FNDC8: variants seen among roughly 807,000 people sequenced by gnomAD.
The protein encoded by FNDC8 is fibronectin type III domain containing 8.
Under a neutral mutation model 24.8 loss-of-function variants are expected in FNDC8, and 23 were observed. The ratio of observed to expected loss-of-function variants is 0.93; its 90% confidence interval spans 0.67 to 1.31. FNDC8 has a LOEUF of 1.31. Ranked by LOEUF, FNDC8 falls within the 40% of genes most tolerant of loss-of-function variation. FNDC8 has a pLI of 0.00. For missense variants in FNDC8, 371 were observed against 398.2 expected (o/e 0.93, Z 0.58); for synonymous variants, 158 against 165.3 (o/e 0.96, Z 0.34).
At chr17:35,126,260 G>A (rs188599411) in intron 1 of FNDC8, among the ~76,000 whole-genome samples, 1 of 152,098 alleles carries the variant, frequency 6.6e-6, no homozygotes. Flanking sequence ...TTACGTGCTA[G>A]ATATTAATAG....
intron 1 of FNDC8, among the ~76,000 whole-genome samples, chr17:35,124,939 T>C (rs1352201427): frequency 2.0e-5 from 3 of 151,046 alleles, no homozygotes; most frequent in African/African-American, 7.3e-5. Flanking sequence ...TCCCAGCTAC[T>C]CGGGAGGCTG....
intron 1 of FNDC8, among the ~76,000 whole-genome samples, chr17:35,122,157 C>CAT (rs1161260066): frequency 4.9e-4 from 18 of 36,452 alleles, no homozygotes; most frequent in East Asian, 1.2e-3. Context: ...GGCTAATTTT[C>CAT]ATATATATAT....
At chr17:35,124,098 G>A (rs1018032409) in intron 1 of FNDC8, among the ~76,000 whole-genome samples, 2 of 152,190 alleles carry the variant, frequency 1.3e-5, no homozygotes, top group African/African-American at 4.8e-5. Context: ...TGATGAGGCT[G>A]GAACCTGGGG....
chr17:35,124,820 G>A (rs909066097), intron 1 of FNDC8, among the ~76,000 whole-genome samples: 7 of 151,670 alleles, frequency 4.6e-5, no homozygotes, highest in Non-Finnish European at 8.8e-5. Flanking sequence ...GGCTGAGGCC[G>A]GCAAATCATC....
At chr17:35,126,965 C>T in intron 1 of FNDC8, 77 bp from the exon 2 acceptor site, 2 of 1,509,900 alleles carry the variant, frequency 1.3e-6, no homozygotes, top group South Asian at 1.3e-5. Flanking sequence ...GTAAGTCAGG[C>T]CCAAGGCCTG....
chr17:35,130,662 C>CTA lies in FNDC8; in HGVS notation c.*229_*230dup. 1 of 536,282 alleles carries CTA rather than the reference C, an allele frequency of 1.9e-6. No individual in the cohort carries two copies. Among genetic ancestry groups the CTA allele is most frequent in the South Asian group, 2.4e-5 (1 of 41,484 alleles). 33.2% of individuals were successfully genotyped at this position (536,282 alleles called of 1,614,324 possible). A position where few individuals can be genotyped will look rare whatever the true frequency, so the allele number is the denominator to read the frequency against. ...CAGGCTCAGCCACTGCCCACAGCTGCTAGACTCCCTCCTCCTCCAAATCTG... is the reference window on the plus strand; with the variant it reads ...CAGGCTCAGCCACTGCCCACAGCTGCTATAGACTCCCTCCTCCTCCAAATCTG... On this transcript the variant is annotated 3_prime_UTR_variant, in exon 4 of 4. Transcript: ENST00000158009.
At chr17:35,122,443 G>C (rs2142488460) in intron 1 of FNDC8, among the ~76,000 whole-genome samples, 1 of 151,604 alleles carries the variant, frequency 6.6e-6, no homozygotes, top group African/African-American at 2.4e-5. Context: ...AGAAGAGCGT[G>C]TGGGCAGGTT....
At chr17:35,121,979 CT>C (rs2041685112) in intron 1 of FNDC8, 77 bp downstream of exon 1, 1 of 988,742 alleles carries the variant, frequency 1.0e-6, no homozygotes. Flanking sequence ...CCCTTCCTTC[CT>C]TCCTTCCTTT....
chr17:35,122,444 T>C (rs1161994389), intron 1 of FNDC8, among the ~76,000 whole-genome samples: 1 of 151,532 alleles, frequency 6.6e-6, no homozygotes, highest in Admixed American at 6.6e-5. Flanking sequence ...GAAGAGCGTG[T>C]GGGCAGGTTG....
At chr17:35,124,078 A>G (rs183066507) in intron 1 of FNDC8, among the ~76,000 whole-genome samples, 32 of 152,322 alleles carry the variant, frequency 2.1e-4, no homozygotes, top group African/African-American at 6.7e-4. Flanking sequence ...AGGATTTCTC[A>G]GGAGGAGGCT....
In FNDC8 at chr17:35,129,644, T is replaced by C. The variant is rs763398949; in HGVS notation, c.808T>C (p.Cys270Arg). The C allele has an allele frequency of 4.8e-5, 77 of 1,613,754 alleles. No homozygotes were observed. The highest frequency in any genetic ancestry group is 6.4e-5 in the Non-Finnish European group (76 of 1,179,932). ...AANTAGVGKW[C>R]KPYKFATLAT... ...CAACACAGCTGGGGTGGGGAAGTGG[T>C]GCAAGCCCTACAAAGTGAGCCCTGG... Residue 270 changes from cysteine (C) to arginine (R), a missense_variant, in exon 3 of 4, where the codon TGC (cysteine) becomes CGC (arginine). Transcript: ENST00000158009.
intron 3 of FNDC8, 115 bp from the exon 4 acceptor site, chr17:35,130,157 TAGGTTGGATA>T: frequency 6.8e-7 from 1 of 1,465,562 alleles, no homozygotes; most frequent in Non-Finnish European, 9.0e-7. Context: ...CGTCAATGGC[TAGGTTGGATA>T]AGGCTGTTTA....
intron 1 of FNDC8, among the ~76,000 whole-genome samples, chr17:35,126,497 C>CATTTTTTTTTTTTTTTTTTTTTTTTTT (rs1555571324): frequency 8.9e-6 from 1 of 112,046 alleles, no homozygotes. Flanking sequence ...ATTTTCTAAG[C>CATTTTTTTTTTTTTTTTTTTTTTTTTT]TTTTTTTTTT....
chr17:35,127,128 A>G lies in FNDC8; in HGVS notation c.296A>G (p.Lys99Arg). ...TCATCCACCTTGCTGAACCCCATCAAATTAGCTGTGACCCAGCCCAACAGC... is the reference window on the plus strand; with the variant it reads ...TCATCCACCTTGCTGAACCCCATCAGATTAGCTGTGACCCAGCCCAACAGC... The part of the protein sequence containing the change: ...AFSSTLLNPI[K>R]LAVTQPNSSF... Residue 99 changes from lysine to arginine, a missense_variant, in exon 2 of 4, where the codon AAA (lysine) becomes AGA (arginine). Lys to Arg is a conservative substitution (Grantham distance 26). Transcript: ENST00000158009. The G allele has an allele frequency of 6.2e-7, 1 of 1,614,178 alleles. No individual in the cohort carries two copies. The highest frequency in any genetic ancestry group is 1.1e-5 in the South Asian group (1 of 91,072).
chr17:35,126,906 T>C, intron 1 of FNDC8, 136 bp from the exon 2 acceptor site: 1 of 1,072,184 alleles, frequency 9.3e-7, no homozygotes, highest in Non-Finnish European at 1.3e-6. Flanking sequence ...TGCAATGCTA[T>C]AGAGCAATGA....
At chr17:35,123,903 G>A (rs1055925252) in intron 1 of FNDC8, among the ~76,000 whole-genome samples, 2 of 152,222 alleles carry the variant, frequency 1.3e-5, no homozygotes, top group African/African-American at 4.8e-5. Context: ...GCTTGCTTCA[G>A]TACCAGCATT....
chr17:35,130,098 TAATGAGGAGGTACAGGCTTG>T lies in FNDC8; in HGVS notation c.823-182_823-163del, dbSNP rs1486828320. 7.7e-6 allele frequency: 11 copies of T among 1,427,180 alleles called. No homozygotes were observed. In the African/African-American group the frequency reaches 1.6e-4, roughly 21 times the overall value. 88.4% of individuals were successfully genotyped at this position (1,427,180 alleles called of 1,614,324 possible). A position where few individuals can be genotyped will look rare whatever the true frequency, so the allele number is the denominator to read the frequency against. Reference sequence around the variant, plus strand: ...CAGCCCTTTGGTTGGAAATATCCCATAATGAGGAGGTACAGGCTTGAGTCATGCATCTTTGCACCTGTTTC... The same window carrying T: ...CAGCCCTTTGGTTGGAAATATCCCATAGTCATGCATCTTTGCACCTGTTTC... On this transcript the variant is annotated intron_variant, in intron 3 of 3. Transcript: ENST00000158009.
intron 2 of FNDC8, among the ~76,000 whole-genome samples, chr17:35,128,486 G>T (rs946252680): frequency 1.3e-5 from 2 of 152,196 alleles, no homozygotes; most frequent in Non-Finnish European, 2.9e-5. Flanking sequence ...GCTTAGCCAG[G>T]CTTGGCAACC....
chr17:35,130,696 C>A lies in FNDC8; in HGVS notation c.*262C>A. 2 of 460,594 alleles carry A rather than the reference C, an allele frequency of 4.3e-6. 1 individual carries two copies. Among genetic ancestry groups the A allele is most frequent in the South Asian group, 6.1e-5 (2 of 32,916 alleles). The allele number at this position is 460,594 out of a possible 1,614,324, so 28.5% of individuals were successfully genotyped here. A position where few individuals can be genotyped will look rare whatever the true frequency, so the allele number is the denominator to read the frequency against. On this transcript the variant is annotated 3_prime_UTR_variant, in exon 4 of 4. Coordinates refer to ENST00000158009, the MANE Select transcript of FNDC8 (RefSeq NM_017559.4). ...CTCCTCCTCCAAATCTGGGCTGGGT[C>A]TAGGTCCCTCATTAAAGAACTGCAG...
Sources: allele counts gnomAD v4.1 joint callset (sites outside exome capture counted in the v4.1 genomes callset), GRCh38; gene constraint gnomAD v4.1.1; transcripts MANE v1.5; gene names NCBI Gene and HGNC (gene_info 2026-07-23, HGNC 2026-07-21).